The following AATK variants were observed in gnomAD, a reference collection of about 807,000 sequenced individuals.
The protein encoded by AATK is lemur tail kinase 1.
In AATK, 91 loss-of-function variants were observed where a neutral mutation model predicts 114.3. That is an observed-to-expected ratio of 0.80 (90% CI 0.67 to 0.95). The LOEUF (loss-of-function observed/expected upper bound fraction) is 0.95, where lower values mean the gene tolerates loss of function less well. Ranked by LOEUF, AATK falls within the 40% of genes least tolerant of loss-of-function variation. AATK has a pLI of 0.00. For missense variants in AATK, 2,176 were observed against 1,965.2 expected, an observed-to-expected ratio of 1.11 and a Z score of -2.03; for synonymous variants, 1,075 against 916.5, an observed-to-expected ratio of 1.17 and a Z score of -3.12.
rs1270514519 is a variant in AATK, at chr17:81,126,429, G to A, written c.753C>T (p.His251=). Reference sequence around the variant, plus strand: ...CGCTGGCCCGCGCCCGCCCTCACCTGTGCACGAAATTGTTGCGATGAAGGT... The same window carrying A: ...CGCTGGCCCGCGCCCGCCCTCACCTATGCACGAAATTGTTGCGATGAAGGT... ...VLHLHRNNFV[H]SDLALRNCLL... The change falls in exon 7 of 14, where the codon CAC becomes CAT. Residue 251 remains histidine (H), a splice_region_variant and synonymous_variant. Coordinates refer to ENST00000326724, the MANE Select transcript of AATK (RefSeq NM_001080395.3). The surrounding 1 kb of genome is among the most constrained non-coding windows in gnomAD (Gnocchi z 5.1). 1 of 1,561,724 alleles carries A rather than the reference G, an allele frequency of 6.4e-7. No homozygotes were observed. Among genetic ancestry groups the A allele is most frequent in the South Asian group, 1.2e-5 (1 of 84,786 alleles).
In AATK at chr17:81,126,031, G is replaced by A; in HGVS notation, c.755+396C>T. 1 of 481,584 alleles carries A rather than the reference G, an allele frequency of 2.1e-6. No individual in the cohort carries two copies. The highest frequency in any genetic ancestry group is 1.5e-5 in the South Asian group (1 of 64,576). The allele number at this position is 481,584 out of a possible 1,614,324, so 29.8% of individuals were successfully genotyped here. A position where few individuals can be genotyped will look rare whatever the true frequency, so the allele number is the denominator to read the frequency against. On this transcript the variant is annotated intron_variant, in intron 7 of 13. Transcript: ENST00000326724. This position sits in a 1 kb window ranked among gnomAD's most constrained non-coding sequence, Gnocchi z 5.1. ...CAGCATGTCCCCCCGGGGTCCCCAGGGGCTGGGCATCCTGGCCCAAGCAGG... is the reference window on the plus strand; with the variant it reads ...CAGCATGTCCCCCCGGGGTCCCCAGAGGCTGGGCATCCTGGCCCAAGCAGG...
At position 81,122,744 on chromosome 17, in the gene AATK, G is replaced by A. The variant is rs1432354507; in HGVS notation, c.1192C>T (p.Leu398=). The A allele has an allele frequency of 1.3e-6, 2 of 1,599,508 alleles. No individual in the cohort carries two copies. The highest frequency in any genetic ancestry group is 2.3e-5 in the South Asian group (2 of 88,558). Residue 398 remains leucine, a synonymous_variant, in exon 11 of 14, where the codon CTG becomes TTG. Transcript: ENST00000326724. ...AEEVHLLLSY[L]CAKGATEAEE... Reference sequence around the variant, plus strand: ...GCTTCGGTGGCGCCCTTGGCACACAGGTAGGACAGCAGCAGGTGCACCTCC... The same window carrying A: ...GCTTCGGTGGCGCCCTTGGCACACAAGTAGGACAGCAGCAGGTGCACCTCC...
At chr17:81,143,151 T>G (rs1041734392) in intron 1 of AATK, among the ~76,000 whole-genome samples, 5 of 152,044 alleles carry the variant, frequency 3.3e-5, no homozygotes, top group Admixed American at 3.3e-4. Flanking sequence ...TGGCTGAGCC[T>G]GAGAGTGGCC....
chr17:81,148,390 C>A lies in AATK; in HGVS notation c.56-13889G>T, dbSNP rs1380236946. ...CCTCCACCCTGACATGCTGTCCCAA[C>A]ACCCCCGGCATCTTGCAAAGCGCCT... On this transcript the variant is annotated intron_variant, in intron 1 of 13. Coordinates refer to ENST00000326724, the MANE Select transcript of AATK (RefSeq NM_001080395.3). 3.3e-5 allele frequency among the ~76,000 whole-genome samples: 5 copies of A among 152,356 alleles called. No homozygotes were observed. The East Asian group carries it at 5.8e-4, about 18-fold the overall frequency.
intron 1 of AATK, among the ~76,000 whole-genome samples, chr17:81,160,661 G>T (rs1029841033): frequency 2.0e-5 from 3 of 152,214 alleles, no homozygotes. Flanking sequence ...TGCCACCAGG[G>T]ACAGGACCGC....
chr17:81,120,578 GC>G lies in AATK; in HGVS notation c.3357del (p.Pro1121GlnfsTer186). The stretch of plus-strand genomic sequence containing the variant: ...GCCGGCCCTGACAACAGTCCTGGGG[GC>G]CCCTGGAACTCAGAGCTGTTGCCTT... ...RSEGNSSEFQGPPGLLSGPAP... is the reference protein window; with the variant it reads ...RSEGNSSEFQXPPGLLSGPAP... On this transcript the variant is annotated frameshift_variant, in exon 11 of 14. Transcript: ENST00000326724. LOFTEE classifies it high-confidence loss of function. 6.5e-7 allele frequency: 1 copy of G among 1,532,410 alleles called. No homozygotes were observed. The highest frequency in any genetic ancestry group is 8.8e-7 in the Non-Finnish European group (1 of 1,142,654). 94.9% of individuals were successfully genotyped at this position (1,532,410 alleles called of 1,614,324 possible).
chr17:81,141,472 C>T (rs192140371), intron 1 of AATK, among the ~76,000 whole-genome samples: 1 of 152,168 alleles, frequency 6.6e-6, no homozygotes, highest in African/African-American at 2.4e-5. Context: ...AAGTAAGTGA[C>T]TTTCAATTTC....
chr17:81,137,153 G>A (rs1184432121), intron 1 of AATK, among the ~76,000 whole-genome samples: 3 of 152,008 alleles, frequency 2.0e-5, no homozygotes, highest in African/African-American at 7.3e-5. Context: ...AGCCACACAG[G>A]AGGCTGACAC....
Position 81,154,698 on chromosome 17 carries a change from C to T in AATK, c.55+11240G>A, listed in dbSNP as rs1017988470. ...AGGCTGGAGTGCAATGGCACAATCTCGGCTCACTGCAACCTCCACCTCCCA... is the reference window on the plus strand; with the variant it reads ...AGGCTGGAGTGCAATGGCACAATCTTGGCTCACTGCAACCTCCACCTCCCA... On this transcript the variant is annotated intron_variant, in intron 1 of 13. Coordinates refer to ENST00000326724, the MANE Select transcript of AATK (RefSeq NM_001080395.3). 3.5e-5 allele frequency among the ~76,000 whole-genome samples: 5 copies of T among 142,890 alleles called. 1 individual carries two copies. The highest frequency in any genetic ancestry group is 2.3e-4 in the South Asian group (1 of 4,418). The allele number at this position is 142,890 out of a possible 152,430, so 93.7% of individuals were successfully genotyped here. A position where few individuals can be genotyped will look rare whatever the true frequency, so the allele number is the denominator to read the frequency against.
chr17:81,143,995 C>T (rs1598956437), intron 1 of AATK, among the ~76,000 whole-genome samples: 1 of 152,202 alleles, frequency 6.6e-6, no homozygotes, highest in African/African-American at 2.4e-5. Flanking sequence ...ATGCTTCCTC[C>T]ACCCAAGCTG....
intron 1 of AATK, among the ~76,000 whole-genome samples, chr17:81,136,630 C>T (rs1406681053): frequency 6.6e-6 from 1 of 152,234 alleles, no homozygotes; most frequent in Non-Finnish European, 1.5e-5. Flanking sequence ...CTCTAGAAGG[C>T]CCAGGTCCCA....
intron 1 of AATK, among the ~76,000 whole-genome samples, chr17:81,151,419 G>GGA (rs547225343): frequency 6.6e-6 from 1 of 151,486 alleles, no homozygotes; most frequent in African/African-American, 2.4e-5. Flanking sequence ...GGGCTGGGGG[G>GGA]ACCGTGGCCG....
At position 81,160,821 on chromosome 17, in the gene AATK, C is replaced by T. The variant is rs191138822; in HGVS notation, c.55+5117G>A. On this transcript the variant is annotated intron_variant, in intron 1 of 13. Coordinates refer to ENST00000326724, the MANE Select transcript of AATK (RefSeq NM_001080395.3). ...CCGGAAGAACCCCGTGAGCTGGAGACAGGAGGCCGGTGACAGCAGAACAGC... is the reference window on the plus strand; with the variant it reads ...CCGGAAGAACCCCGTGAGCTGGAGATAGGAGGCCGGTGACAGCAGAACAGC... 2.0e-5 allele frequency among the ~76,000 whole-genome samples: 3 copies of T among 152,358 alleles called. No individual in the cohort carries two copies. The East Asian group carries it at 5.8e-4, about 29-fold the overall frequency.
Position 81,121,067 on chromosome 17 carries a change from C to G in AATK, c.2869G>C (p.Gly957Arg). Reference sequence around the variant, plus strand: ...TCCGCAAAGGCCTGGGGCTCACACCCTTCCTGCGCCTCCTTGAGCACAAAC... The same window carrying G: ...TCCGCAAAGGCCTGGGGCTCACACCGTTCCTGCGCCTCCTTGAGCACAAAC... ...PEFVLKEAQE[G>R]CEPQAFAELA... Residue 957 changes from glycine to arginine, a missense_variant, in exon 11 of 14, where the codon GGG becomes CGG. This residue lies in a region of AATK where 1,701 missense variants were observed against 1,394.7 expected (regional missense o/e 1.22). Transcript: ENST00000326724. 6.2e-7 allele frequency: 1 copy of G among 1,607,660 alleles called. No individual in the cohort carries two copies. The highest frequency in any genetic ancestry group is 8.5e-7 in the Non-Finnish European group (1 of 1,177,228).
intron 3 of AATK, among the ~76,000 whole-genome samples, chr17:81,129,152 C>T (rs532573324): frequency 4.1e-4 from 62 of 152,356 alleles, no homozygotes; most frequent in Admixed American, 6.5e-4. Flanking sequence ...CGAGGGATTC[C>T]CCGAATTCTG....
Position 81,120,303 on chromosome 17 carries a change from G to A in AATK, c.3633C>T (p.Leu1211=). Residue 1211 remains leucine (L), a synonymous_variant, in exon 11 of 14, where the codon CTC becomes CTT. Coordinates refer to ENST00000326724, the MANE Select transcript of AATK (RefSeq NM_001080395.3). ...TCTCGGACAGCAGGCTGGGCATCTT[G>A]AGCAGGCTGCGCAGGTTGCGCGCGC... ...SQSARNLRSL[L]KMPSLLSETF... 2.5e-6 allele frequency: 4 copies of A among 1,610,030 alleles called. No individual in the cohort carries two copies. The highest frequency in any genetic ancestry group is 3.4e-6 in the Non-Finnish European group (4 of 1,178,644).
chr17:81,146,554 A>G (rs2061223141), intron 1 of AATK, among the ~76,000 whole-genome samples: 1 of 152,066 alleles, frequency 6.6e-6, no homozygotes, highest in Non-Finnish European at 1.5e-5. Context: ...TGTCTCTACT[A>G]AAAATACAAA....
intron 1 of AATK, among the ~76,000 whole-genome samples, chr17:81,143,215 C>T (rs1029359958): frequency 2.0e-5 from 3 of 151,450 alleles, no homozygotes; most frequent in South Asian, 2.1e-4. Flanking sequence ...ACCCCCGCAA[C>T]GTGCACACGT....
rs755745477 is a variant in AATK at position 81,120,071 on chromosome 17, G to A, written c.3748C>T (p.Arg1250Trp). Reference protein sequence around the residue: ...VYLFDQESPTRELGEPFPGAK... With the variant: ...VYLFDQESPTWELGEPFPGAK... ...CCCGGGAAGGGCTCCCCGAGCTCCCGGGTGGGGCTTTCCTGGAGGAATCAG... is the reference window on the plus strand; with the variant it reads ...CCCGGGAAGGGCTCCCCGAGCTCCCAGGTGGGGCTTTCCTGGAGGAATCAG... The change falls in exon 12 of 14, where the codon CGG (arginine) becomes TGG (tryptophan). Residue 1250 changes from arginine to tryptophan, a missense_variant. Arg to Trp is a moderately radical substitution (Grantham distance 101). This residue lies in a region of AATK where 1,701 missense variants were observed against 1,394.7 expected (regional missense o/e 1.22). Coordinates refer to ENST00000326724, the MANE Select transcript of AATK (RefSeq NM_001080395.3). 17 of 1,460,162 alleles carry A rather than the reference G, an allele frequency of 1.2e-5. No individual in the cohort carries two copies. The highest frequency in any genetic ancestry group is 2.7e-5 in the South Asian group (2 of 73,666). 90.5% of individuals were successfully genotyped at this position (1,460,162 alleles called of 1,614,324 possible). A position where few individuals can be genotyped will look rare whatever the true frequency, so the allele number is the denominator to read the frequency against.
Sources: gnomAD v4.1 joint callset for allele counts (sites outside exome capture counted in the v4.1 genomes callset) on GRCh38, gnomAD v4.1.1 for gene constraint, gnomAD v4.1.1 regional missense constraint, Gnocchi (gnomAD v3.1) non-coding constraint, MANE v1.5 for transcripts, NCBI Gene and HGNC (gene_info 2026-07-23, HGNC 2026-07-21) for gene names.